The following MLLT10 variants were observed in gnomAD, a reference collection of about 807,000 sequenced individuals.
MLLT10 encodes the protein MLLT10 histone lysine methyltransferase DOT1L cofactor.
A neutral mutation model predicts 129.1 loss-of-function variants in MLLT10; 30 were observed. The observed-to-expected ratio is 0.23, with a 90% CI of 0.17 to 0.32. The LOEUF (loss-of-function observed/expected upper bound fraction) is 0.32. Among genes scored for constraint, MLLT10 ranks in the 10% least tolerant of loss-of-function variants. MLLT10 has a pLI of 1.00. For synonymous variants in MLLT10, 490 were observed against 446.4 expected (o/e 1.10, Z -1.23); for missense variants, 1,119 against 1,268.3 (o/e 0.88, Z 1.79).
chr10:21,537,428 G>C (rs2034245825), intron 2 of MLLT10, among the ~76,000 whole-genome samples: 1 of 152,072 alleles, frequency 6.6e-6, no homozygotes, highest in South Asian at 2.1e-4. Flanking sequence ...CTCCTGAGTA[G>C]CTGGGACTAC....
Position 21,733,800 on chromosome 10 carries a change from C to A in MLLT10, c.2529C>A (p.Ser843Arg). 2 of 1,613,870 alleles carry A rather than the reference C, an allele frequency of 1.2e-6. No homozygotes were observed. Among genetic ancestry groups the A allele is most frequent in the Non-Finnish European group, 1.7e-6 (2 of 1,179,912 alleles). ...DLTSSGQSTS[S>R]SSALSTPPPA... Reference sequence around the variant, plus strand: ...CCTCCAGTGGACAAAGTACCAGCAGCTCATCAGCTCTTTCTACCCCACCTC... The same window carrying A: ...CCTCCAGTGGACAAAGTACCAGCAGATCATCAGCTCTTTCTACCCCACCTC... Residue 843 changes from serine (S) to arginine (R), a missense_variant, in exon 20 of 23, where the codon AGC becomes AGA. Coordinates refer to ENST00000307729, the MANE Select transcript of MLLT10 (RefSeq NM_001195626.3).
At chr10:21,536,368 T>G (rs1175016308) in intron 2 of MLLT10, among the ~76,000 whole-genome samples, 1 of 152,246 alleles carries the variant, frequency 6.6e-6, no homozygotes, top group Non-Finnish European at 1.5e-5. Context: ...CCAATGAATT[T>G]CTTATGAATT....
intron 13 of MLLT10, among the ~76,000 whole-genome samples, chr10:21,695,883 G>A (rs1314899309): frequency 5.4e-5 from 8 of 149,326 alleles, no homozygotes; most frequent in Non-Finnish European, 8.8e-5. Flanking sequence ...CCAGAGCATA[G>A]ACCAAATTGG....
rs140340659 is a variant in MLLT10 at position 21,676,485 on chromosome 10, C to G, written c.1621+2566C>G. The stretch of plus-strand genomic sequence containing the variant: ...CCTGTAATCCCAGTACTTTGGGAGG[C>G]CGAGGTGGGCAGGTCACCTGAGGTC... On this transcript the variant is annotated intron_variant, in intron 11 of 22. Coordinates refer to ENST00000307729, the MANE Select transcript of MLLT10 (RefSeq NM_001195626.3). Among the ~76,000 whole-genome samples, 1,146 of 150,940 alleles carry G rather than the reference C, an allele frequency of 7.6e-3. 16 individuals carry two copies. The highest frequency in any genetic ancestry group is 0.018 in the Middle Eastern group (5 of 284).
intron 19 of MLLT10, 26 bp downstream of exon 19, chr10:21,733,618 C>T (rs1336065417): frequency 1.3e-6 from 2 of 1,492,528 alleles, no homozygotes; most frequent in Non-Finnish European, 1.8e-6. Flanking sequence ...TTATTTTCAT[C>T]TATGTTGATT....
At chr10:21,645,935 T>G (rs2131306422) in intron 8 of MLLT10, among the ~76,000 whole-genome samples, 1 of 152,316 alleles carries the variant, frequency 6.6e-6, no homozygotes, top group Admixed American at 6.5e-5. Flanking sequence ...CTGGGTGTGG[T>G]GGCTCACACC....
intron 5 of MLLT10, among the ~76,000 whole-genome samples, chr10:21,597,060 GTTTTTC>G (rs1290941106): frequency 6.6e-6 from 1 of 150,664 alleles, no homozygotes; most frequent in Non-Finnish European, 1.5e-5. Flanking sequence ...TAAAAACCTT[GTTTTTC>G]TTTTTAATTT....
chr10:21,551,733 T>A (rs375396887), intron 3 of MLLT10: 2 of 391,810 alleles, frequency 5.1e-6, no homozygotes. Flanking sequence ...GGTATCTGTT[T>A]ATTCTGTTTT....
intron 4 of MLLT10, 145 bp downstream of exon 4, chr10:21,586,493 C>T (rs2041998778): frequency 1.3e-6 from 1 of 745,300 alleles, no homozygotes; most frequent in Admixed American, 3.0e-5. Context: ...ATTTATAAAT[C>T]CTTATTGTAT....
intron 3 of MLLT10, among the ~76,000 whole-genome samples, chr10:21,556,441 C>G (rs1448083884): frequency 6.6e-6 from 1 of 152,114 alleles, no homozygotes; most frequent in African/African-American, 2.4e-5. Context: ...ATTCCTTTAG[C>G]CAGATGGATG....
intron 4 of MLLT10, among the ~76,000 whole-genome samples, chr10:21,589,162 G>A (rs2042268651): frequency 6.6e-6 from 1 of 151,848 alleles, no homozygotes. Flanking sequence ...ATATGAGTTG[G>A]ACTAATTTTT....
chr10:21,699,454 C>A (rs1281826464), intron 13 of MLLT10, among the ~76,000 whole-genome samples: 1 of 151,946 alleles, frequency 6.6e-6, no homozygotes, highest in African/African-American at 2.4e-5. Context: ...TTTGCCTAGA[C>A]CAATGTCCTG....
At chr10:21,615,800 G>C (rs758534391) in intron 7 of MLLT10, among the ~76,000 whole-genome samples, 17 of 152,212 alleles carry the variant, frequency 1.1e-4, no homozygotes, top group Non-Finnish European at 2.2e-4. Context: ...CTGTCACACA[G>C]GATCATGGTG....
rs34563495 is a variant in MLLT10 at position 21,607,318 on chromosome 10, CTTTTTTTTTT to C, written c.406-5020_406-5011del. ...AACTTATTGTTTTATGTACTCTATG[CTTTTTTTTTT>C]TTTTTTTTTGAGATGGAGTTTTGCT... On this transcript the variant is annotated intron_variant, in intron 5 of 22. Coordinates refer to ENST00000307729, the MANE Select transcript of MLLT10 (RefSeq NM_001195626.3). Among the ~76,000 whole-genome samples, 97 of 124,046 alleles carry C rather than the reference CTTTTTTTTTT, an allele frequency of 7.8e-4. 1 individual carries two copies. The highest frequency in any genetic ancestry group is 3.0e-3 in the African/African-American group (95 of 31,680). The allele number at this position is 124,046 out of a possible 152,430, so 81.4% of individuals were successfully genotyped here. A position where few individuals can be genotyped will look rare whatever the true frequency, so the allele number is the denominator to read the frequency against.
At chr10:21,569,716 C>G (rs1463809514) in intron 3 of MLLT10, among the ~76,000 whole-genome samples, 1 of 150,862 alleles carries the variant, frequency 6.6e-6, no homozygotes, top group Non-Finnish European at 1.5e-5. Flanking sequence ...CCACCATGCC[C>G]GGCCCACCCA....
chr10:21,697,262 T>G (rs1589695638), intron 13 of MLLT10, among the ~76,000 whole-genome samples: 1 of 150,266 alleles, frequency 6.7e-6, no homozygotes, highest in Non-Finnish European at 1.5e-5. Flanking sequence ...AGGTCAGGAG[T>G]TCAAGACCAG....
intron 8 of MLLT10, among the ~76,000 whole-genome samples, chr10:21,619,633 C>A (rs2045608702): frequency 6.6e-6 from 1 of 152,132 alleles, no homozygotes; most frequent in African/African-American, 2.4e-5. Flanking sequence ...TTGGATTTTA[C>A]TTTTCGCATA....
chr10:21,555,597 C>T (rs1205945513), intron 3 of MLLT10, among the ~76,000 whole-genome samples: 1 of 152,010 alleles, frequency 6.6e-6, no homozygotes, highest in African/African-American at 2.4e-5. Flanking sequence ...TTCTTTTGTA[C>T]TGTTTTGGCC....
chr10:21,698,453 C>G (rs992133352), intron 13 of MLLT10, among the ~76,000 whole-genome samples: 2 of 152,180 alleles, frequency 1.3e-5, no homozygotes, highest in Non-Finnish European at 2.9e-5. Flanking sequence ...ACTACACTTT[C>G]TTTATCCATT....
Sources: gnomAD v4.1 joint callset for allele counts (sites outside exome capture counted in the v4.1 genomes callset) on GRCh38, gnomAD v4.1.1 for gene constraint, MANE v1.5 for transcripts, NCBI Gene and HGNC (gene_info 2026-07-23, HGNC 2026-07-21) for gene names.